SCO2: variants seen among roughly 807,000 people sequenced by gnomAD.
The protein encoded by SCO2 is cytochrome c oxidase assembly factor SCO2.
For missense variants in SCO2, 429 were observed against 348.7 expected, an observed-to-expected ratio of 1.23 and a Z score of -1.83; for synonymous variants, 195 against 148.6, an observed-to-expected ratio of 1.31 and a Z score of -2.27.
rs767809670 is a variant in SCO2 at position 50,523,684 on chromosome 22, C to T, written c.728G>A (p.Arg243Gln). ...PDGLFTDYYG[R>Q]SRSAEQISDS... ...TGAGATCTGCTCAGCCGATCTGCTC[C>T]GGCCGTAGTAATCCGTGAAGAGGCC... The change falls in exon 2 of 2, where the codon CGG becomes CAG. Residue 243 changes from arginine (R) to glutamine (Q), a missense_variant. Physicochemically the swap from Arg to Gln is conservative, Grantham distance 43 (BLOSUM62 1). Coordinates refer to ENST00000395693, the MANE Select transcript of SCO2 (RefSeq NM_005138.3). 26 of 1,614,006 alleles carry T rather than the reference C, an allele frequency of 1.6e-5. No homozygotes were observed. The highest frequency in any genetic ancestry group is 8.9e-5 in the East Asian group (4 of 44,898).
At chr22:50,525,707 T>A, upstream of SCO2, 12 of 1,573,066 alleles carry the variant, frequency 7.6e-6, no homozygotes, top group African/African-American at 1.4e-5. Flanking sequence ...GGCCCCCGCC[T>A]CCGCAGCCCT....
upstream of SCO2, chr22:50,525,748 A>G (rs1329286615): frequency 6.2e-7 from 1 of 1,608,424 alleles, no homozygotes; most frequent in East Asian, 2.2e-5. Flanking sequence ...AAGCACTGAC[A>G]AGGTTTCGCG....
chr22:50,525,799 C>T, upstream of SCO2: 1 of 1,610,788 alleles, frequency 6.2e-7, no homozygotes, highest in Non-Finnish European at 8.5e-7. Context: ...ACGAGCTCTG[C>T]GAAGGGCGAG....
Position 50,524,302 on chromosome 22 carries a change from A to G in SCO2, c.110T>C (p.Leu37Pro). 1.2e-6 allele frequency: 2 copies of G among 1,602,708 alleles called. No individual in the cohort carries two copies. Among genetic ancestry groups the G allele is most frequent in the Non-Finnish European group, 1.7e-6 (2 of 1,179,864 alleles). Reference sequence around the variant, plus strand: ...CTCTGCAGGGCCCTGCCTTGACAAAAGCCAGGACCTCAGATGCAGGGCCTG... The same window carrying G: ...CTCTGCAGGGCCCTGCCTTGACAAAGGCCAGGACCTCAGATGCAGGGCCTG... ...GGQALHLRSW[L>P]LSRQGPAETG... The change falls in exon 2 of 2, where the codon CTT becomes CCT. Residue 37 changes from leucine to proline, a missense_variant. Transcript: ENST00000395693.
chr22:50,525,652 T>G, upstream of SCO2: 1 of 1,454,386 alleles, frequency 6.9e-7, no homozygotes, highest in Non-Finnish European at 9.4e-7. Context: ...TCTCAGCGCG[T>G]GCGCGGAAGG....
At chr22:50,524,895 ACCTGCACGACCTACCC>A (rs149243416) in intron 1 of SCO2, 104,439 of 345,656 alleles carry the variant, frequency 0.3, 17,213 homozygotes, top group East Asian at 0.47. Flanking sequence ...CCAGCAGAAA[ACCTGCACGACCTACCC>A]CCGGAGCTCA....
At position 50,523,620 on chromosome 22, in the gene SCO2, G is replaced by C. The variant is rs768212530; in HGVS notation, c.792C>G (p.Val264=). ...CCCAGACTGCAGTGGCTCAAGACAG[G>C]ACACTGCGGAAAGCCGCCATGTGCC... ...VRRHMAAFRS[V]LS is the part of the protein sequence containing the mutation. Residue 264 remains valine (V), a synonymous_variant, in exon 2 of 2, where the codon GTC becomes GTG. Transcript: ENST00000395693. The C allele has an allele frequency of 2.5e-6, 4 of 1,613,468 alleles. No individual in the cohort carries two copies. The highest frequency in any genetic ancestry group is 3.4e-6 in the Non-Finnish European group (4 of 1,180,018).
At chr22:50,525,219 C>G (rs1569521778) in intron 1 of SCO2, among the ~76,000 whole-genome samples, 1 of 152,256 alleles carries the variant, frequency 6.6e-6, no homozygotes, top group African/African-American at 2.4e-5. Flanking sequence ...CCCAGCAAGG[C>G]CAGCGCCCTC....
At position 50,524,296 on chromosome 22, in the gene SCO2, G is replaced by C; in HGVS notation, c.116C>G (p.Ser39Ter). Residue 39 changes from serine to a stop codon, truncating the protein, a stop_gained, in exon 2 of 2, where the codon TCA (serine) becomes TGA (stop). Transcript: ENST00000395693. LOFTEE classifies it low-confidence loss of function (END_TRUNC). Reference protein sequence around the residue: ...QALHLRSWLLSRQGPAETGGQ... With the variant: ...QALHLRSWLL ...ACCTGTCTCTGCAGGGCCCTGCCTTGACAAAAGCCAGGACCTCAGATGCAG... is the reference window on the plus strand; with the variant it reads ...ACCTGTCTCTGCAGGGCCCTGCCTTCACAAAAGCCAGGACCTCAGATGCAG... 2 of 1,602,964 alleles carry C rather than the reference G, an allele frequency of 1.2e-6. No homozygotes were observed. The highest frequency in any genetic ancestry group is 1.7e-6 in the Non-Finnish European group (2 of 1,179,860).
At position 50,525,507 on chromosome 22, in the gene SCO2, G is replaced by T. The variant is rs940262142; in HGVS notation, c.-49C>A. 1.8e-5 allele frequency: 10 copies of T among 550,826 alleles called. No individual in the cohort carries two copies. The Admixed American group carries it at 2.7e-4, about 15-fold the overall frequency. The allele number at this position is 550,826 out of a possible 1,614,324, so 34.1% of individuals were successfully genotyped here. A position where few individuals can be genotyped will look rare whatever the true frequency, so the allele number is the denominator to read the frequency against. On this transcript the variant is annotated 5_prime_UTR_variant, in exon 1 of 2. Transcript: ENST00000395693. ...GGCCGCGCGTCAGTGGACCAAGCAC[G>T]AGAGGAAGCGCCGACCTCCAGCTCC...
chr22:50,524,789 A>G, intron 1 of SCO2: 1 of 404,530 alleles, frequency 2.5e-6, no homozygotes, highest in South Asian at 1.8e-5. Flanking sequence ...GAGGTGGGTA[A>G]CTCTCTGGCT....
chr22:50,525,631 C>A (rs993040913), upstream of SCO2: 2 of 1,332,860 alleles, frequency 1.5e-6, no homozygotes, highest in South Asian at 2.5e-5. Flanking sequence ...CGGGCGCAGC[C>A]GCTGACAGGC....
At chr22:50,525,790 C>T (rs1489657643), upstream of SCO2, 4 of 1,610,816 alleles carry the variant, frequency 2.5e-6, no homozygotes, top group Admixed American at 1.7e-5. Flanking sequence ...GGCGGCAGAA[C>T]GAGCTCTGCG....
chr22:50,525,559 A>G lies in SCO2; in HGVS notation c.-101T>C, dbSNP rs1334373107. ...TGCGCTCTGCCCCGCCGGCTCAGGGAAAGCGGGCGCCACACGCTCACAGGC... is the reference window on the plus strand; with the variant it reads ...TGCGCTCTGCCCCGCCGGCTCAGGGGAAGCGGGCGCCACACGCTCACAGGC... On this transcript the variant is annotated 5_prime_UTR_variant, in exon 1 of 2. Transcript: ENST00000395693. 2.0e-5 allele frequency: 14 copies of G among 704,104 alleles called. No individual in the cohort carries two copies. The highest frequency in any genetic ancestry group is 2.3e-6 in the Non-Finnish European group (1 of 431,886). 43.6% of individuals were successfully genotyped at this position (704,104 alleles called of 1,614,324 possible).
chr22:50,525,229 C>T (rs1022738932), intron 1 of SCO2, among the ~76,000 whole-genome samples: 1 of 152,270 alleles, frequency 6.6e-6, no homozygotes, highest in Non-Finnish European at 1.5e-5. Flanking sequence ...CCAGCGCCCT[C>T]GTGGCCAGAA....
In SCO2 at chr22:50,523,970, C is replaced by CCACCTG. The variant is rs766510758; in HGVS notation, c.436_441dup (p.Gln146_Val147dup). On this transcript the variant is annotated inframe_insertion, in exon 2 of 2. Transcript: ENST00000395693. Reference sequence around the variant, plus strand: ...CCAGGCTCTGCTTCCAGCTGCCGCACCACCTGCACCAGCTTCTCCAGCTCG... The same window carrying CCACCTG: ...CCAGGCTCTGCTTCCAGCTGCCGCACCACCTGCACCTGCACCAGCTTCTCCAGCTCG... 14 of 1,612,502 alleles carry CCACCTG rather than the reference C, an allele frequency of 8.7e-6. No homozygotes were observed. Among genetic ancestry groups the CCACCTG allele is most frequent in the Non-Finnish European group, 1.2e-5 (14 of 1,179,020 alleles).
chr22:50,525,610 G>C (rs1309005662), upstream of SCO2: 4 of 1,118,672 alleles, frequency 3.6e-6, no homozygotes, highest in Non-Finnish European at 5.2e-6. Context: ...CCGGAGCTGC[G>C]CATGCGCACA....
At chr22:50,526,137 G>C (rs1285768890), upstream of SCO2, 9 of 1,484,526 alleles carry the variant, frequency 6.1e-6, no homozygotes, top group Non-Finnish European at 7.1e-6. Context: ...CCAGCTCCAC[G>C]GTGCCTGCGG....
At chr22:50,526,416 A>C, upstream of SCO2, 1 of 1,510,046 alleles carries the variant, frequency 6.6e-7, no homozygotes, top group Non-Finnish European at 8.8e-7. Flanking sequence ...CGCCGCGGCC[A>C]CCCGGGCAGC....
Sources: gnomAD v4.1 joint callset for allele counts (sites outside exome capture counted in the v4.1 genomes callset) on GRCh38, gnomAD v4.1.1 for gene constraint, MANE v1.5 for transcripts, NCBI Gene and HGNC (gene_info 2026-07-23, HGNC 2026-07-21) for gene names.